Variants in ST3GAL3 observed in about 807,000 individuals in gnomAD.
ST3GAL3 encodes the protein ST3 beta-galactoside alpha-2,3-sialyltransferase 3.
A neutral mutation model predicts 50.1 loss-of-function variants in ST3GAL3; 21 were observed. The ratio of observed to expected loss-of-function variants is 0.42; its 90% CI spans 0.30 to 0.60. The LOEUF (loss-of-function observed/expected upper bound fraction) is 0.60. ST3GAL3 is among the 20% of genes least tolerant of loss of function. The pLI is 0.19. For synonymous variants in ST3GAL3, 183 were observed against 190.0 expected, an observed-to-expected ratio of 0.96 and a Z score of 0.30; for missense variants, 353 against 489.4, an observed-to-expected ratio of 0.72 and a Z score of 2.63.
At chr1:43,906,794 A>T (rs1158052838) in intron 9 of ST3GAL3, among the ~76,000 whole-genome samples, 1 of 152,174 alleles carries the variant, frequency 6.6e-6, no homozygotes, top group Non-Finnish European at 1.5e-5. Flanking sequence ...GCTTTCCTTG[A>T]ATTCATTCAG....
chr1:43,733,933 C>A, intron 1 of ST3GAL3, among the ~76,000 whole-genome samples: 1 of 152,270 alleles, frequency 6.6e-6, no homozygotes, highest in East Asian at 1.9e-4. Context: ...CATGGTGAAA[C>A]CCCATCTCTA....
chr1:43,786,172 C>T (rs1203167680), intron 2 of ST3GAL3, among the ~76,000 whole-genome samples: 2 of 152,072 alleles, frequency 1.3e-5, no homozygotes, highest in East Asian at 3.8e-4. Context: ...TACTCAGTTG[C>T]CAGAATAATC....
chr1:43,904,902 T>A (rs111162312), intron 9 of ST3GAL3, among the ~76,000 whole-genome samples: 8 of 28,858 alleles, frequency 2.8e-4, no homozygotes, highest in South Asian at 1.3e-3. Flanking sequence ...TTCCTCCCCC[T>A]CCTCCTGCTC....
At chr1:43,779,558 T>C (rs941456552) in intron 2 of ST3GAL3, among the ~76,000 whole-genome samples, 2 of 152,338 alleles carry the variant, frequency 1.3e-5, no homozygotes, top group Middle Eastern at 3.4e-3. Flanking sequence ...AACAAGTGTA[T>C]GTTGCCAGTT....
intron 2 of ST3GAL3, among the ~76,000 whole-genome samples, chr1:43,786,067 G>A (rs983077790): frequency 6.6e-6 from 1 of 151,308 alleles, no homozygotes; most frequent in East Asian, 1.9e-4. Context: ...CCATCGACCC[G>A]GTTCAGGCCA....
At chr1:43,902,129 C>T (rs747695169) in intron 9 of ST3GAL3, among the ~76,000 whole-genome samples, 1 of 152,224 alleles carries the variant, frequency 6.6e-6, no homozygotes, top group African/African-American at 2.4e-5. Context: ...CAGGTCCCCT[C>T]CTGTCTGGTG....
intron 2 of ST3GAL3, among the ~76,000 whole-genome samples, chr1:43,785,180 C>T (rs1310009266): frequency 2.0e-5 from 3 of 152,112 alleles, no homozygotes; most frequent in Non-Finnish European, 4.4e-5. Flanking sequence ...CAGGTGGCGA[C>T]GTGAACATTG....
At chr1:43,880,600 C>T (rs973692787) in intron 5 of ST3GAL3, among the ~76,000 whole-genome samples, 1 of 152,118 alleles carries the variant, frequency 6.6e-6, no homozygotes. Context: ...ACTTCATCTC[C>T]AGCCTCCATT....
intron 4 of ST3GAL3, among the ~76,000 whole-genome samples, chr1:43,816,100 A>G (rs2061211718): frequency 6.6e-6 from 1 of 152,162 alleles, no homozygotes; most frequent in Non-Finnish European, 1.5e-5. Flanking sequence ...ATTGTTAGTC[A>G]TCTTTGTGCA....
Position 43,921,952 on chromosome 1 carries a change from C to T in ST3GAL3, c.1038+1024C>T, listed in dbSNP as rs548501349. 11 of 394,302 alleles carry T rather than the reference C, an allele frequency of 2.8e-5. No homozygotes were observed. In the South Asian group the frequency reaches 1.0e-3, roughly 36 times the overall value. The allele number at this position is 394,302 out of a possible 1,614,324, so 24.4% of individuals were successfully genotyped here. A position where few individuals can be genotyped will look rare whatever the true frequency, so the allele number is the denominator to read the frequency against. On this transcript the variant is annotated intron_variant, in intron 11 of 11. Transcript: ENST00000347631. ...TTCCTGATCTCTCAGAAACACTTTT[C>T]GTGTTGGCCACTCCTTCTTCTTTGA...
intron 4 of ST3GAL3, among the ~76,000 whole-genome samples, chr1:43,829,097 T>TA (rs372784349): frequency 0.19 from 28,475 of 146,724 alleles, 3,337 homozygotes; most frequent in African/African-American, 0.32. Context: ...TGTAGTCTGT[T>TA]AAAAAAAAAA....
At chr1:43,792,055 T>A in intron 2 of ST3GAL3, 47 bp from the exon 3 acceptor site, 1 of 1,613,434 alleles carries the variant, frequency 6.2e-7, no homozygotes, top group East Asian at 2.2e-5. Flanking sequence ...GCTTGCTTTT[T>A]TATTATAAGA....
intron 5 of ST3GAL3, among the ~76,000 whole-genome samples, chr1:43,886,755 C>G (rs1350578820): frequency 6.6e-6 from 1 of 152,146 alleles, no homozygotes; most frequent in Non-Finnish European, 1.5e-5. Flanking sequence ...GACAGGATAT[C>G]CACTGCTCTT....
chr1:43,852,203 T>G (rs1479969787), intron 5 of ST3GAL3, among the ~76,000 whole-genome samples: 2 of 152,132 alleles, frequency 1.3e-5, no homozygotes, highest in Admixed American at 1.3e-4. Flanking sequence ...AGTCCTCCTT[T>G]CCTCCCTCGA....
intron 2 of ST3GAL3, among the ~76,000 whole-genome samples, chr1:43,783,098 G>A (rs1481115221): frequency 6.6e-6 from 1 of 152,066 alleles, no homozygotes; most frequent in Non-Finnish European, 1.5e-5. Context: ...TCTTTTTACA[G>A]ATGAGGAAAT....
rs937830195 is a variant in ST3GAL3 at position 43,844,403 on chromosome 1, A to G, written c.302+6092A>G. On this transcript the variant is annotated intron_variant, in intron 5 of 11. Transcript: ENST00000347631. ...TCTCATGAGAACAAAAGATATTCCT[A>G]TCACCCAGGAAATTTGAAGGAATTT... 4.6e-5 allele frequency among the ~76,000 whole-genome samples: 7 copies of G among 152,234 alleles called. No homozygotes were observed. In the East Asian group the frequency reaches 1.2e-3, roughly 25 times the overall value.
In ST3GAL3 at chr1:43,918,119, C is replaced by CTTTTTTTTTT. The variant is rs573834844; in HGVS notation, c.745-2279_745-2270dup. On this transcript the variant is annotated intron_variant, in intron 9 of 11. Transcript: ENST00000347631. ...TAGACATCTAAATTTTTTTCTTTCT[C>CTTTTTTTTTT]TTTTTTTTTTTTTTTAAGAGAGGGT... Among the ~76,000 whole-genome samples the CTTTTTTTTTT allele has an allele frequency of 5.7e-4, 76 of 133,894 alleles. 2 individuals carry two copies. Among genetic ancestry groups the CTTTTTTTTTT allele is most frequent in the African/African-American group, 1.9e-3 (67 of 34,640 alleles). The allele number at this position is 133,894 out of a possible 152,430, so 87.8% of individuals were successfully genotyped here.
intron 4 of ST3GAL3, among the ~76,000 whole-genome samples, chr1:43,818,281 C>A (rs902281304): frequency 9.2e-5 from 14 of 152,114 alleles, no homozygotes; most frequent in Non-Finnish European, 1.8e-4. Context: ...ACCTACACCC[C>A]CAAAGCAGGC....
chr1:43,917,561 T>A (rs1368068435), intron 9 of ST3GAL3, among the ~76,000 whole-genome samples: 5 of 80,182 alleles, frequency 6.2e-5, no homozygotes, highest in Admixed American at 4.5e-4. Context: ...ATATAATATA[T>A]TATATTATAT....
Sources: allele counts gnomAD v4.1 joint callset (sites outside exome capture counted in the v4.1 genomes callset), GRCh38; gene constraint gnomAD v4.1.1; transcripts MANE v1.5; gene names NCBI Gene and HGNC (gene_info 2026-07-23, HGNC 2026-07-21).